Variants in PCTP observed in about 807,000 individuals in gnomAD.
PCTP encodes the protein phosphatidylcholine transfer protein, also known as START domain-containing protein 2.
In PCTP, 27 loss-of-function variants were observed where a neutral mutation model predicts 31.0. The observed-to-expected ratio is 0.87, with a 90% CI of 0.64 to 1.20. PCTP has a LOEUF of 1.20. Among genes scored for constraint, PCTP ranks in the 50% most tolerant of loss-of-function variants. PCTP has a pLI of 0.00. For synonymous variants in PCTP, 108 were observed against 101.2 expected (o/e 1.07, Z -0.40); for missense variants, 287 against 268.2 (o/e 1.07, Z -0.49).
chr17:55,757,187 T>TAC (rs1001121962), intron 1 of PCTP, among the ~76,000 whole-genome samples: 1 of 151,454 alleles, frequency 6.6e-6, no homozygotes, highest in African/African-American at 2.4e-5. Context: ...AGAATATATA[T>TAC]ACACACACAT....
At chr17:55,850,967 A>G in the PCTP span, among the ~76,000 whole-genome samples, 1 of 152,268 alleles carries the variant, frequency 6.6e-6, no homozygotes, top group Non-Finnish European at 1.5e-5. Context: ...ACTGTCTCTC[A>G]CTCTGCTGAT....
chr17:55,799,644 AGTTGATGCAGTTTCTTCATAGT>A (rs908537272), intron 3 of PCTP, among the ~76,000 whole-genome samples: 16 of 152,284 alleles, frequency 1.1e-4, no homozygotes, highest in African/African-American at 3.8e-4. Flanking sequence ...TTTGCACATT[AGTTGATGCAGTTTCTTCATAGT>A]GTTGATGGTC....
chr17:55,804,917 G>A (rs1912527942), intron 3 of PCTP, among the ~76,000 whole-genome samples: 2 of 151,926 alleles, frequency 1.3e-5, no homozygotes, highest in South Asian at 4.2e-4. Context: ...ATAGATTTAA[G>A]GTGAAATTAT....
At chr17:55,794,952 A>G (rs186034463) in intron 3 of PCTP, among the ~76,000 whole-genome samples, 193 of 152,132 alleles carry the variant, frequency 1.3e-3, no homozygotes, top group Admixed American at 3.0e-3. Context: ...TCCTCACCAC[A>G]CACAGACCCC....
intron 1 of PCTP, among the ~76,000 whole-genome samples, chr17:55,756,839 T>C (rs1233890413): frequency 6.6e-6 from 1 of 152,122 alleles, no homozygotes; most frequent in Non-Finnish European, 1.5e-5. Flanking sequence ...TTCTAGTCCC[T>C]CAGCCAGGCT....
chr17:55,796,810 A>G (rs1056868502), intron 3 of PCTP, among the ~76,000 whole-genome samples: 1 of 151,870 alleles, frequency 6.6e-6, no homozygotes, highest in Non-Finnish European at 1.5e-5. Context: ...GGAAAAGTAA[A>G]TCAACAGTGG....
intron 5 of PCTP, among the ~76,000 whole-genome samples, chr17:55,841,347 A>G (rs1219017516): frequency 6.6e-6 from 1 of 152,252 alleles, no homozygotes; most frequent in African/African-American, 2.4e-5. Context: ...GAACTTCCAC[A>G]GAGGAGAGGT....
chr17:55,841,027 G>A (rs9910335), intron 5 of PCTP, among the ~76,000 whole-genome samples: 6 of 152,026 alleles, frequency 3.9e-5, no homozygotes, highest in Admixed American at 2.6e-4. Context: ...CTGGGGGTCC[G>A]TGAAACATAT....
chr17:55,788,887 G>T (rs908697229), intron 3 of PCTP, among the ~76,000 whole-genome samples: 2 of 152,016 alleles, frequency 1.3e-5, no homozygotes, highest in African/African-American at 4.8e-5. Context: ...TGCTTTTTAT[G>T]AACTTCAGGA....
At chr17:55,790,664 C>G (rs1238283296) in intron 3 of PCTP, among the ~76,000 whole-genome samples, 10 of 151,574 alleles carry the variant, frequency 6.6e-5, no homozygotes, top group Admixed American at 6.6e-5. Context: ...AGGATACAAA[C>G]AAATGGAAGA....
At chr17:55,845,610 C>T (rs1185303417), downstream of PCTP, among the ~76,000 whole-genome samples, 1 of 152,218 alleles carries the variant, frequency 6.6e-6, no homozygotes, top group Non-Finnish European at 1.5e-5. Context: ...TTCCCCTCCC[C>T]CACCCCGCCG....
intron 3 of PCTP, among the ~76,000 whole-genome samples, chr17:55,817,264 T>A (rs982134290): frequency 2.0e-5 from 3 of 152,196 alleles, no homozygotes; most frequent in Admixed American, 1.3e-4. Context: ...TTGGGTATTG[T>A]CATCCTGGAC....
chr17:55,751,639 G>A (rs1178090818), intron 1 of PCTP, among the ~76,000 whole-genome samples: 1 of 152,172 alleles, frequency 6.6e-6, no homozygotes, highest in Non-Finnish European at 1.5e-5. Context: ...CGGTATCTTA[G>A]GGCTTGGATA....
intron 2 of PCTP, among the ~76,000 whole-genome samples, chr17:55,783,818 C>T (rs1597995243): frequency 6.6e-6 from 1 of 152,150 alleles, no homozygotes; most frequent in Non-Finnish European, 1.5e-5. Context: ...AAACAGCATT[C>T]GTTTTCCATT....
the PCTP span, among the ~76,000 whole-genome samples, chr17:55,848,951 G>C: frequency 6.6e-6 from 1 of 152,074 alleles, no homozygotes; most frequent in Admixed American, 6.6e-5. Flanking sequence ...AAAAAAAATA[G>C]TGGTATAACT....
At chr17:55,839,309 G>C (rs1273787009) in intron 5 of PCTP, among the ~76,000 whole-genome samples, 2 of 152,072 alleles carry the variant, frequency 1.3e-5, no homozygotes, top group African/African-American at 2.4e-5. Flanking sequence ...GCTATTTATT[G>C]GGCCAGGATT....
chr17:55,762,696 C>G (rs1469035940), intron 1 of PCTP, among the ~76,000 whole-genome samples: 1 of 152,166 alleles, frequency 6.6e-6, no homozygotes, highest in African/African-American at 2.4e-5. Context: ...AGTCTTTCTA[C>G]TCTGTTTCTC....
In PCTP at chr17:55,761,888, A is replaced by C. The variant is rs1057130231; in HGVS notation, c.142-5447A>C. Among the ~76,000 whole-genome samples the C allele has an allele frequency of 2.6e-5, 4 of 152,260 alleles. No individual in the cohort carries two copies. The South Asian group carries it at 8.3e-4, about 31-fold the overall frequency. On this transcript the variant is annotated intron_variant, in intron 1 of 5. Transcript: ENST00000268896. ...CTTACCAGCACTATTCTGTCAGTCT[A>C]CTTTTTTACCTTGATGTCAGATTTT...
intron 1 of PCTP, among the ~76,000 whole-genome samples, chr17:55,759,996 A>G (rs2960072): frequency 2.0e-5 from 3 of 152,102 alleles, no homozygotes; most frequent in African/African-American, 7.3e-5. Flanking sequence ...AATTGCACAG[A>G]TGTTTTTTTT....
Sources: gnomAD v4.1 joint callset for allele counts (sites outside exome capture counted in the v4.1 genomes callset) on GRCh38, gnomAD v4.1.1 for gene constraint, MANE v1.5 for transcripts, NCBI Gene and HGNC (gene_info 2026-07-23, HGNC 2026-07-21) for gene names.